Variants in KIF16B observed in about 807,000 individuals in gnomAD.
KIF16B encodes the protein kinesin-like protein KIF16B.
Under a neutral mutation model 156.3 loss-of-function variants are expected in KIF16B, and 98 were observed. That is an observed-to-expected ratio of 0.63 (90% CI 0.53 to 0.74). KIF16B has a LOEUF of 0.74. KIF16B is among the 30% of genes least tolerant of loss of function. KIF16B has a pLI of 0.00. For synonymous variants in KIF16B, 564 were observed against 583.7 expected, an observed-to-expected ratio of 0.97 and a Z score of 0.49; for missense variants, 1,421 against 1,606.5, an observed-to-expected ratio of 0.88 and a Z score of 1.97.
chr20:16,334,775 C>T (rs2064006826), intron 24 of KIF16B, among the ~76,000 whole-genome samples: 3 of 152,118 alleles, frequency 2.0e-5, no homozygotes, highest in Non-Finnish European at 2.9e-5. Context: ...ACTGGGTCCC[C>T]TTCATATTCC....
At position 16,410,070 on chromosome 20, in the gene KIF16B, G is replaced by C. The variant is rs541492264; in HGVS notation, c.1613-3614C>G. Reference sequence around the variant, plus strand: ...ATGTTGGTACATATATATATATGTAGGTACATATATATATATGTAGGTACA... The same window carrying C: ...ATGTTGGTACATATATATATATGTACGTACATATATATATATGTAGGTACA... On this transcript the variant is annotated intron_variant, in intron 15 of 25. Transcript: ENST00000354981. Among the ~76,000 whole-genome samples the C allele has an allele frequency of 3.6e-4, 27 of 74,516 alleles. 1 individual carries two copies. Among genetic ancestry groups the C allele is most frequent in the Non-Finnish European group, 4.7e-4 (19 of 40,026 alleles). The allele number at this position is 74,516 out of a possible 152,430, so 48.9% of individuals were successfully genotyped here.
At chr20:16,535,607 T>C (rs2069929484) in intron 1 of KIF16B, among the ~76,000 whole-genome samples, 1 of 152,190 alleles carries the variant, frequency 6.6e-6, no homozygotes, top group Admixed American at 6.5e-5. Context: ...CCCCATTCGC[T>C]ACAATGTTAG....
At chr20:16,304,985 A>G (rs138375132) in intron 25 of KIF16B, among the ~76,000 whole-genome samples, 4 of 152,286 alleles carry the variant, frequency 2.6e-5, no homozygotes, top group African/African-American at 7.2e-5. Flanking sequence ...TGGTGGTGAT[A>G]TATCAATACT....
chr20:16,333,187 T>G (rs2063979015), intron 24 of KIF16B, among the ~76,000 whole-genome samples: 1 of 152,170 alleles, frequency 6.6e-6, no homozygotes, highest in South Asian at 2.1e-4. Flanking sequence ...GCAGGGCCTT[T>G]GCACTTGCTC....
At chr20:16,541,670 C>CT (rs2070204180) in intron 1 of KIF16B, among the ~76,000 whole-genome samples, 1 of 152,196 alleles carries the variant, frequency 6.6e-6, no homozygotes, top group African/African-American at 2.4e-5. Context: ...AAGCAGACAT[C>CT]TGTGGGAGTA....
chr20:16,450,882 A>G (rs1363555378), intron 12 of KIF16B, among the ~76,000 whole-genome samples: 2 of 152,206 alleles, frequency 1.3e-5, no homozygotes, highest in African/African-American at 4.8e-5. Context: ...ACACAGATAA[A>G]CAGTAAAATG....
chr20:16,535,489 C>A (rs942202054), intron 1 of KIF16B, among the ~76,000 whole-genome samples: 1 of 152,134 alleles, frequency 6.6e-6, no homozygotes, highest in Non-Finnish European at 1.5e-5. Context: ...ATTTCTTTCT[C>A]TTGCCTCATT....
chr20:16,282,011 C>CT (rs1432065914), intron 25 of KIF16B, among the ~76,000 whole-genome samples: 1 of 147,912 alleles, frequency 6.8e-6, no homozygotes, highest in South Asian at 2.2e-4. Context: ...GCTGGGCATT[C>CT]TTTTTTTTCT....
At chr20:16,480,444 C>A (rs574409272) in intron 12 of KIF16B, among the ~76,000 whole-genome samples, 1 of 152,198 alleles carries the variant, frequency 6.6e-6, no homozygotes, top group Non-Finnish European at 1.5e-5. Flanking sequence ...CAAAGTCACA[C>A]AACTAGTAAG....
intron 22 of KIF16B, among the ~76,000 whole-genome samples, chr20:16,359,629 G>A (rs1264527468): frequency 1.4e-5 from 2 of 139,438 alleles, no homozygotes; most frequent in Non-Finnish European, 3.0e-5. Flanking sequence ...AAAGCTGCTT[G>A]AGGCTCAGGA....
chr20:16,330,530 GAA>G (rs1233712121), intron 24 of KIF16B, among the ~76,000 whole-genome samples: 7 of 152,298 alleles, frequency 4.6e-5, no homozygotes, highest in Middle Eastern at 3.4e-3. Context: ...ACATGAACCA[GAA>G]GACATATAGG....
rs758429922 is a variant in KIF16B at position 16,379,316 on chromosome 20, T to G, written c.2686A>C (p.Lys896Gln). 1.2e-6 allele frequency: 2 copies of G among 1,607,260 alleles called. No homozygotes were observed. Among genetic ancestry groups the G allele is most frequent in the Admixed American group, 3.4e-5 (2 of 58,906 alleles). ...TATTGCAGCCTGTACTCCACTGGCT[T>G]TATTTTCTCGAAATCTTGAGGCACT... ...TEVPQDFEKI[K>Q]PVEYRLQYKE... Residue 896 changes from lysine (K) to glutamine (Q), a missense_variant, in exon 19 of 26, where the codon AAG becomes CAG. By Grantham distance (53) the Lys-to-Gln change is moderately conservative. Transcript: ENST00000354981.
chr20:16,431,561 T>C (rs567445646), intron 12 of KIF16B, among the ~76,000 whole-genome samples: 1 of 152,192 alleles, frequency 6.6e-6, no homozygotes, highest in East Asian at 1.9e-4. Flanking sequence ...TACAGTAGGG[T>C]TTCTGGACTG....
intron 25 of KIF16B, among the ~76,000 whole-genome samples, chr20:16,291,443 G>T (rs2063313815): frequency 6.6e-6 from 1 of 152,166 alleles, no homozygotes; most frequent in African/African-American, 2.4e-5. Flanking sequence ...CACCAAATGA[G>T]CCTGAAAACT....
At chr20:16,530,952 C>T (rs1264997766) in intron 1 of KIF16B, among the ~76,000 whole-genome samples, 3 of 152,114 alleles carry the variant, frequency 2.0e-5, no homozygotes, top group Non-Finnish European at 4.4e-5. Context: ...CCACCCGCCT[C>T]GACCTCCCAA....
intron 11 of KIF16B, among the ~76,000 whole-genome samples, chr20:16,496,990 G>A (rs572874106): frequency 6.6e-6 from 1 of 151,486 alleles, no homozygotes; most frequent in East Asian, 1.9e-4. Flanking sequence ...TTGTTCTAAT[G>A]TCTGTTTCTC....
At position 16,273,133 on chromosome 20, in the gene KIF16B, G is replaced by C; in HGVS notation, c.*120C>G. 1 of 833,232 alleles carries C rather than the reference G, an allele frequency of 1.2e-6. No homozygotes were observed. The highest frequency in any genetic ancestry group is 1.6e-5 in the South Asian group (1 of 62,610). The allele number at this position is 833,232 out of a possible 1,614,324, so 51.6% of individuals were successfully genotyped here. ...CGTGAGGTGGCCCGGGCCCGCTGCTGCATGTCTGTCTTCAGCAGGAGGAGG... is the reference window on the plus strand; with the variant it reads ...CGTGAGGTGGCCCGGGCCCGCTGCTCCATGTCTGTCTTCAGCAGGAGGAGG... On this transcript the variant is annotated 3_prime_UTR_variant, in exon 26 of 26. Coordinates refer to ENST00000354981, the MANE Select transcript of KIF16B (RefSeq NM_024704.5).
At position 16,379,714 on chromosome 20, in the gene KIF16B, G is replaced by T; in HGVS notation, c.2288C>A (p.Ala763Asp). The T allele has an allele frequency of 6.2e-7, 1 of 1,614,036 alleles. No homozygotes were observed. Among genetic ancestry groups the T allele is most frequent in the Non-Finnish European group, 8.5e-7 (1 of 1,180,008 alleles). ...CTCTCGGAGCTGCTCTTCCAGATGG[G>T]CCACGAGCATGACCTGCTCCTTCTC... ...EQEKEQVMLV[A>D]HLEEQLREKQ... Residue 763 changes from alanine (A) to aspartate (D), a missense_variant, in exon 19 of 26, where the codon GCC (alanine) becomes GAC (aspartate). By Grantham distance (126) the Ala-to-Asp change is moderately radical (BLOSUM62 -2). Transcript: ENST00000354981.
At chr20:16,502,281 T>C (rs1181266769) in intron 10 of KIF16B, among the ~76,000 whole-genome samples, 1 of 152,160 alleles carries the variant, frequency 6.6e-6, no homozygotes, top group Non-Finnish European at 1.5e-5. Flanking sequence ...TATAGAATAT[T>C]CTAGGAATAG....
Sources: allele counts gnomAD v4.1 joint callset (sites outside exome capture counted in the v4.1 genomes callset), GRCh38; gene constraint gnomAD v4.1.1; transcripts MANE v1.5; gene names NCBI Gene and HGNC (gene_info 2026-07-23, HGNC 2026-07-21).